Variants in LHFPL6 observed in about 807,000 individuals in gnomAD.
The protein encoded by LHFPL6 is LHFPL tetraspan subfamily member 6.
Under a neutral mutation model 20.6 loss-of-function variants are expected in LHFPL6, and 9 were observed. That is an observed-to-expected ratio of 0.44 (90% CI 0.26 to 0.76). The LOEUF (loss-of-function observed/expected upper bound fraction) is 0.76. Ranked by LOEUF, LHFPL6 falls within the 30% of genes least tolerant of loss-of-function variation. The pLI is 0.20. For synonymous variants in LHFPL6, 105 were observed against 98.7 expected (o/e 1.06, Z -0.38); for missense variants, 218 against 253.5 (o/e 0.86, Z 0.95).
At chr13:39,410,411 G>A (rs1871218533) in intron 2 of LHFPL6, among the ~76,000 whole-genome samples, 1 of 152,140 alleles carries the variant, frequency 6.6e-6, no homozygotes, top group African/African-American at 2.4e-5. Context: ...CACAAGTAGG[G>A]TGGTCTCCAG....
At chr13:39,588,716 G>A (rs185429533) in intron 2 of LHFPL6, among the ~76,000 whole-genome samples, 1 of 152,272 alleles carries the variant, frequency 6.6e-6, no homozygotes, top group Admixed American at 6.5e-5. Flanking sequence ...ATATTCCCAT[G>A]AGGTACAGAA....
At chr13:39,446,116 G>A (rs1016332554) in intron 2 of LHFPL6, among the ~76,000 whole-genome samples, 3 of 152,198 alleles carry the variant, frequency 2.0e-5, no homozygotes, top group Admixed American at 6.5e-5. Context: ...ATGAGGAAAT[G>A]AGCATGGTAG....
At chr13:39,365,378 C>G (rs750365835) in intron 3 of LHFPL6, among the ~76,000 whole-genome samples, 1 of 152,150 alleles carries the variant, frequency 6.6e-6, no homozygotes, top group Non-Finnish European at 1.5e-5. Flanking sequence ...AGAACCGGAA[C>G]GGAACTGCAG....
At chr13:39,572,132 A>G (rs916435313) in intron 2 of LHFPL6, among the ~76,000 whole-genome samples, 4 of 152,240 alleles carry the variant, frequency 2.6e-5, no homozygotes, top group Non-Finnish European at 4.4e-5. Context: ...TGTGTCCTAC[A>G]TAAGTAGCAA....
chr13:39,396,347 C>G (rs949685767), intron 2 of LHFPL6, among the ~76,000 whole-genome samples: 1 of 152,172 alleles, frequency 6.6e-6, no homozygotes, highest in African/African-American at 2.4e-5. Flanking sequence ...CTGCATCGCC[C>G]TATCTCCAAA....
At chr13:39,552,039 A>T (rs1871157204) in intron 2 of LHFPL6, among the ~76,000 whole-genome samples, 1 of 152,182 alleles carries the variant, frequency 6.6e-6, no homozygotes, top group African/African-American at 2.4e-5. Flanking sequence ...CTTTTTTATT[A>T]AACAATGGTA....
At chr13:39,525,193 G>A (rs1870250437) in intron 2 of LHFPL6, among the ~76,000 whole-genome samples, 1 of 152,070 alleles carries the variant, frequency 6.6e-6, no homozygotes, top group Non-Finnish European at 1.5e-5. Flanking sequence ...TTCCAATCTC[G>A]ATGTCCTATT....
rs1224049292 is a variant in LHFPL6, at chr13:39,503,048, ACACC to A, written c.385+97780_385+97783del. Among the ~76,000 whole-genome samples, 14 of 152,208 alleles carry A rather than the reference ACACC, an allele frequency of 9.2e-5. No homozygotes were observed. The East Asian group carries it at 2.7e-3, about 29-fold the overall frequency. On this transcript the variant is annotated intron_variant, in intron 2 of 3. Transcript: ENST00000379589. ...GCTGGGATTACAGCCACAAGCCACC[ACACC>A]TAGCCAATAAATGCATTTTCAATTA...
intron 2 of LHFPL6, among the ~76,000 whole-genome samples, chr13:39,385,624 G>C (rs1400248777): frequency 6.6e-6 from 1 of 152,250 alleles, no homozygotes; most frequent in African/African-American, 2.4e-5. Context: ...TTGAGTGTGT[G>C]AAGTCTGAAG....
chr13:39,481,526 A>G (rs1489740272), intron 2 of LHFPL6, among the ~76,000 whole-genome samples: 19 of 152,208 alleles, frequency 1.2e-4, no homozygotes, highest in African/African-American at 1.9e-4. Context: ...ACAATCAGGG[A>G]TTGCTTCTTT....
chr13:39,539,779 T>G (rs1870739303), intron 2 of LHFPL6, among the ~76,000 whole-genome samples: 1 of 152,196 alleles, frequency 6.6e-6, no homozygotes, highest in South Asian at 2.1e-4. Flanking sequence ...CAAGATGACA[T>G]TAGAAATAGA....
Position 39,505,993 on chromosome 13 carries a change from C to T in LHFPL6, c.385+94839G>A, listed in dbSNP as rs560804211. Among the ~76,000 whole-genome samples the T allele has an allele frequency of 2.6e-5, 4 of 152,304 alleles. No homozygotes were observed. In the East Asian group the frequency reaches 7.7e-4, roughly 29 times the overall value. ...TGCGGAACATCTCTCCTTTTAACCT[C>T]TAACCACTCAACTCAGATAAAGCCT... On this transcript the variant is annotated intron_variant, in intron 2 of 3. Coordinates refer to ENST00000379589, the MANE Select transcript of LHFPL6 (RefSeq NM_005780.3).
intron 2 of LHFPL6, among the ~76,000 whole-genome samples, chr13:39,562,491 CAT>C (rs1256535875): frequency 2.3e-5 from 3 of 128,706 alleles, no homozygotes; most frequent in African/African-American, 8.8e-5. Flanking sequence ...CATATATACA[CAT>C]ATACATATAT....
intron 2 of LHFPL6, among the ~76,000 whole-genome samples, chr13:39,556,316 AG>A (rs1871302737): frequency 6.6e-6 from 1 of 152,228 alleles, no homozygotes; most frequent in Admixed American, 6.5e-5. Context: ...AGAAGAAGAC[AG>A]GAAGATGAGG....
intron 2 of LHFPL6, among the ~76,000 whole-genome samples, chr13:39,413,289 G>A (rs1420264659): frequency 6.6e-6 from 1 of 152,136 alleles, no homozygotes; most frequent in African/African-American, 2.4e-5. Flanking sequence ...CAATTCTTCA[G>A]AGCCTGTGGT....
Position 39,344,063 on chromosome 13 carries a change from AAAGG to A in LHFPL6, c.485-13_485-10del. 3.1e-6 allele frequency: 5 copies of A among 1,600,328 alleles called. No individual in the cohort carries two copies. The East Asian group carries it at 1.1e-4, about 36-fold the overall frequency. On this transcript the variant is annotated splice_polypyrimidine_tract_variant and intron_variant, in intron 3 of 3. Transcript: ENST00000379589. ...GCCGATTTCACACTTCCCTAAGGAC[AAAGG>A]AAGGGGAAAGAAGAAAGTCACAGAT...
intron 2 of LHFPL6, among the ~76,000 whole-genome samples, chr13:39,490,068 CAAGT>C (rs1301795266): frequency 6.8e-6 from 1 of 147,614 alleles, no homozygotes; most frequent in Non-Finnish European, 1.5e-5. Context: ...CTGGAGACAA[CAAGT>C]AATAACAGAT....
At chr13:39,592,930 T>C (rs916744246) in intron 2 of LHFPL6, among the ~76,000 whole-genome samples, 1 of 152,304 alleles carries the variant, frequency 6.6e-6, no homozygotes, top group Non-Finnish European at 1.5e-5. Context: ...CAACCCTTCA[T>C]GCTAAAAACT....
chr13:39,439,515 G>A (rs928607952), intron 2 of LHFPL6, among the ~76,000 whole-genome samples: 3 of 152,064 alleles, frequency 2.0e-5, no homozygotes, highest in Admixed American at 6.6e-5. Context: ...GCAATGTGAG[G>A]GGGACATAAG....
Sources: gnomAD v4.1 joint callset for allele counts (sites outside exome capture counted in the v4.1 genomes callset) on GRCh38, gnomAD v4.1.1 for gene constraint, MANE v1.5 for transcripts, NCBI Gene and HGNC (gene_info 2026-07-23, HGNC 2026-07-21) for gene names.